The following A1CF variants were observed in gnomAD, a reference collection of about 807,000 sequenced individuals.
The protein encoded by A1CF is APOBEC1 complementation factor.
Under a neutral mutation model 68.9 loss-of-function variants are expected in A1CF, and 48 were observed. The observed-to-expected ratio is 0.70, with a 90% CI of 0.55 to 0.89. A1CF has a LOEUF of 0.89. Among genes scored for constraint, A1CF ranks in the 40% least tolerant of loss-of-function variants. The pLI is 0.00. For synonymous variants in A1CF, 272 were observed against 260.4 expected, an observed-to-expected ratio of 1.04 and a Z score of -0.43; for missense variants, 653 against 718.9, an observed-to-expected ratio of 0.91 and a Z score of 1.05.
At chr10:50,836,342 G>C in intron 5 of A1CF, 30 bp from the exon 6 acceptor site, 2 of 1,595,286 alleles carry the variant, frequency 1.3e-6, no homozygotes, top group Non-Finnish European at 1.7e-6. Flanking sequence ...TTTGATTGAT[G>C]AGAATCCTTG....
chr10:50,815,773 A>G (rs1838335265), intron 9 of A1CF, among the ~76,000 whole-genome samples: 1 of 152,232 alleles, frequency 6.6e-6, no homozygotes, highest in Admixed American at 6.5e-5. Context: ...CAAAGTTTGA[A>G]TCTGTGCACT....
At chr10:50,828,700 G>T (rs1466251294) in intron 6 of A1CF, among the ~76,000 whole-genome samples, 2 of 152,084 alleles carry the variant, frequency 1.3e-5, no homozygotes, top group East Asian at 1.9e-4. Context: ...CATTAAGAAG[G>T]TTACTAGGAA....
At chr10:50,864,317 G>T (rs568039215) in intron 1 of A1CF, among the ~76,000 whole-genome samples, 2 of 152,160 alleles carry the variant, frequency 1.3e-5, no homozygotes, top group Non-Finnish European at 2.9e-5. Context: ...CATATTGGAG[G>T]AGAGAAGCAG....
intron 3 of A1CF, among the ~76,000 whole-genome samples, chr10:50,855,597 T>C (rs1343516986): frequency 1.3e-5 from 2 of 151,942 alleles, no homozygotes; most frequent in Non-Finnish European, 2.9e-5. Context: ...AAAGCATATT[T>C]CCAAACCCTT....
At chr10:50,841,757 G>T in intron 5 of A1CF, 105 bp downstream of exon 5, 7 of 1,370,658 alleles carry the variant, frequency 5.1e-6, no homozygotes, top group East Asian at 2.4e-5. Context: ...TTCATTTCTG[G>T]CTTGGCTTTT....
chr10:50,876,440 G>T (rs528684643), intron 1 of A1CF, among the ~76,000 whole-genome samples: 1 of 152,290 alleles, frequency 6.6e-6, no homozygotes, highest in East Asian at 1.9e-4. Flanking sequence ...TGAATGATAG[G>T]TTTTTAACCC....
chr10:50,848,737 C>A (rs1222357224), intron 3 of A1CF, among the ~76,000 whole-genome samples: 1 of 152,156 alleles, frequency 6.6e-6, no homozygotes, highest in East Asian at 1.9e-4. Context: ...AAACTTGTTT[C>A]AGATGTTTTC....
chr10:50,811,979 C>T (rs1347877206), intron 10 of A1CF, among the ~76,000 whole-genome samples: 2 of 152,222 alleles, frequency 1.3e-5, no homozygotes, highest in Non-Finnish European at 2.9e-5. Flanking sequence ...TAAGACAGAA[C>T]AATGTCTCAG....
chr10:50,809,203 T>G (rs929621705), intron 12 of A1CF, among the ~76,000 whole-genome samples: 1 of 152,182 alleles, frequency 6.6e-6, no homozygotes, highest in African/African-American at 2.4e-5. Context: ...AGGCTTTGCT[T>G]TAAGCAATCA....
chr10:50,882,741 G>A (rs1028134726), intron 1 of A1CF, among the ~76,000 whole-genome samples: 1 of 152,082 alleles, frequency 6.6e-6, no homozygotes, highest in Non-Finnish European at 1.5e-5. Flanking sequence ...ATCCTCTGTC[G>A]ATCAATACTG....
At chr10:50,837,788 T>C (rs1417729536) in intron 5 of A1CF, among the ~76,000 whole-genome samples, 2 of 152,080 alleles carry the variant, frequency 1.3e-5, no homozygotes, top group African/African-American at 4.8e-5. Context: ...ATTCATACCA[T>C]TGCACGCTCT....
chr10:50,868,144 T>A lies in A1CF; in HGVS notation c.-93-4064A>T, dbSNP rs139502689. 9.2e-3 allele frequency among the ~76,000 whole-genome samples: 1,406 copies of A among 152,338 alleles called. 19 individuals are homozygous for A. The highest frequency in any genetic ancestry group is 0.017 in the Middle Eastern group (5 of 294). ...TGCCTTGACATTACATGATGTAGGCTGGACATAACTTTTATGTAACATGCA... is the reference window on the plus strand; with the variant it reads ...TGCCTTGACATTACATGATGTAGGCAGGACATAACTTTTATGTAACATGCA... On this transcript the variant is annotated intron_variant, in intron 1 of 12. Transcript: ENST00000373997.
intron 12 of A1CF, 68 bp downstream of exon 12, chr10:50,809,826 A>C (rs778247785): frequency 3.8e-6 from 6 of 1,590,574 alleles, no homozygotes; most frequent in Non-Finnish European, 5.1e-6. Context: ...CTGTGATTCA[A>C]TGGTACCAAA....
intron 3 of A1CF, 62 bp downstream of exon 3, chr10:50,859,779 TC>T: frequency 6.9e-7 from 1 of 1,447,858 alleles, no homozygotes; most frequent in African/African-American, 1.4e-5. Flanking sequence ...TCTTAGGACC[TC>T]CAATATTCCC....
intron 3 of A1CF, among the ~76,000 whole-genome samples, chr10:50,851,755 C>G (rs1162705301): frequency 6.6e-6 from 1 of 152,178 alleles, no homozygotes; most frequent in Non-Finnish European, 1.5e-5. Flanking sequence ...ATAATTCTCT[C>G]TATATGGGAT....
chr10:50,875,505 G>A (rs1046999502), intron 1 of A1CF, among the ~76,000 whole-genome samples: 1 of 152,196 alleles, frequency 6.6e-6, no homozygotes, highest in African/African-American at 2.4e-5. Flanking sequence ...GGAGAGTTGA[G>A]TCAGGTGAAT....
At chr10:50,851,409 C>G (rs1290021460) in intron 3 of A1CF, among the ~76,000 whole-genome samples, 1 of 152,162 alleles carries the variant, frequency 6.6e-6, no homozygotes, top group South Asian at 2.1e-4. Flanking sequence ...ATCTTCAATT[C>G]CATGTCCAAT....
chr10:50,866,079 T>C (rs12268033), intron 1 of A1CF, among the ~76,000 whole-genome samples: 6,534 of 152,302 alleles, frequency 0.043, 440 homozygotes, highest in African/African-American at 0.15. Flanking sequence ...TTAATCTGAA[T>C]TGAAAGTCCT....
In A1CF at chr10:50,856,800, TGTG is replaced by T. The variant is rs369549744; in HGVS notation, c.99+3039_99+3041del. On this transcript the variant is annotated intron_variant, in intron 3 of 12. Transcript: ENST00000373997. ...GTTATTATTATTATTACAATTAACT[TGTG>T]GTCTAGGTCCTTATTATAAGCATTT... Among the ~76,000 whole-genome samples, 479 of 152,230 alleles carry T rather than the reference TGTG, an allele frequency of 3.1e-3. 4 individuals carry two copies. The highest frequency in any genetic ancestry group is 0.011 in the African/African-American group (461 of 41,556).
Sources: allele counts gnomAD v4.1 joint callset (sites outside exome capture counted in the v4.1 genomes callset), GRCh38; gene constraint gnomAD v4.1.1; transcripts MANE v1.5; gene names NCBI Gene and HGNC (gene_info 2026-07-23, HGNC 2026-07-21).